CACNA1D: variants seen among roughly 807,000 people sequenced by gnomAD.
The protein encoded by CACNA1D is calcium voltage-gated channel subunit alpha1 D, also known as voltage-dependent L-type calcium channel subunit alpha-1D.
A neutral mutation model predicts 257.1 loss-of-function variants in CACNA1D; 55 were observed. The observed-to-expected ratio is 0.21, with a 90% CI of 0.17 to 0.27. CACNA1D has a LOEUF of 0.27. Among genes scored for constraint, CACNA1D ranks in the 10% least tolerant of loss-of-function variants. The pLI is 1.00. For missense variants in CACNA1D, 1,876 were observed against 2,784.0 expected, an observed-to-expected ratio of 0.67 and a Z score of 7.34; for synonymous variants, 980 against 1,014.9, an observed-to-expected ratio of 0.97 and a Z score of 0.65.
intron 3 of CACNA1D, among the ~76,000 whole-genome samples, chr3:53,523,571 T>C (rs2091657638): frequency 6.6e-6 from 1 of 152,246 alleles, no homozygotes; most frequent in Admixed American, 6.5e-5. Flanking sequence ...CCATGGTGTA[T>C]GTCTTCATTT....
intron 9 of CACNA1D, among the ~76,000 whole-genome samples, chr3:53,707,136 G>A (rs962778496): frequency 1.1e-4 from 16 of 151,952 alleles, no homozygotes; most frequent in Non-Finnish European, 1.8e-4. Context: ...ACTTGGAGAT[G>A]CGCTCACATT....
intron 42 of CACNA1D, among the ~76,000 whole-genome samples, chr3:53,801,706 G>C (rs555364537): frequency 1.3e-5 from 2 of 152,308 alleles, no homozygotes; most frequent in African/African-American, 4.8e-5. Flanking sequence ...CCTCTCAATT[G>C]TGCTCACATA....
intron 3 of CACNA1D, among the ~76,000 whole-genome samples, chr3:53,630,023 G>T (rs550185817): frequency 1.3e-4 from 20 of 152,286 alleles, no homozygotes; most frequent in Admixed American, 2.0e-4. Context: ...TGCTGCACCT[G>T]TCCTTATATT....
chr3:53,553,929 G>A (rs1417615215), intron 3 of CACNA1D, among the ~76,000 whole-genome samples: 3 of 151,592 alleles, frequency 2.0e-5, no homozygotes, highest in Non-Finnish European at 4.4e-5. Flanking sequence ...GGGCATGGTG[G>A]CTCACACCTG....
chr3:53,780,730 G>A (rs2109065705), intron 38 of CACNA1D, among the ~76,000 whole-genome samples: 1 of 152,302 alleles, frequency 6.6e-6, no homozygotes, highest in South Asian at 2.1e-4. Context: ...TGTGGCCATT[G>A]GAGCTGGCTC....
chr3:53,509,081 G>A (rs1559767391), intron 3 of CACNA1D, among the ~76,000 whole-genome samples: 1 of 152,208 alleles, frequency 6.6e-6, no homozygotes. Flanking sequence ...GAAATAAGGA[G>A]AGTGGTGGAG....
At chr3:53,694,145 T>C (rs1033027260) in intron 8 of CACNA1D, among the ~76,000 whole-genome samples, 2 of 152,288 alleles carry the variant, frequency 1.3e-5, no homozygotes, top group Admixed American at 1.3e-4. Flanking sequence ...GAGATCAGGA[T>C]GTCAGGGCCT....
At chr3:53,693,827 G>A (rs1192295925) in intron 8 of CACNA1D, among the ~76,000 whole-genome samples, 1 of 151,366 alleles carries the variant, frequency 6.6e-6, no homozygotes, top group East Asian at 1.9e-4. Flanking sequence ...AGGGTTTTTT[G>A]TTTTGTTTTG....
At chr3:53,498,381 C>G (rs2090439027) in intron 2 of CACNA1D, among the ~76,000 whole-genome samples, 1 of 152,202 alleles carries the variant, frequency 6.6e-6, no homozygotes, top group Non-Finnish European at 1.5e-5. Flanking sequence ...TAACCCCTTC[C>G]CTAAATCTGG....
chr3:53,534,225 G>A (rs1288445072), intron 3 of CACNA1D, among the ~76,000 whole-genome samples: 1 of 152,230 alleles, frequency 6.6e-6, no homozygotes, highest in African/African-American at 2.4e-5. Flanking sequence ...GTGGCGTGGT[G>A]GGTAGAGTGT....
Position 53,812,183 on chromosome 3 carries a change from A to C in CACNA1D, c.*777A>C, listed in dbSNP as rs2095603523. 2 of 152,218 alleles carry C rather than the reference A, an allele frequency of 1.3e-5. No individual in the cohort carries two copies. The highest frequency in any genetic ancestry group is 4.8e-5 in the African/African-American group (2 of 41,448). 9.4% of individuals were successfully genotyped at this position (152,218 alleles called of 1,614,324 possible). ...CTGTACATGACTTGTAATATACTATAATTTGTATTTGTAAAGAGATGGTCT... is the reference window on the plus strand; with the variant it reads ...CTGTACATGACTTGTAATATACTATCATTTGTATTTGTAAAGAGATGGTCT... On this transcript the variant is annotated 3_prime_UTR_variant, in exon 48 of 48. Transcript: ENST00000350061.
intron 9 of CACNA1D, among the ~76,000 whole-genome samples, chr3:53,709,264 C>G (rs539373071): frequency 1.3e-5 from 2 of 152,210 alleles, no homozygotes; most frequent in Non-Finnish European, 2.9e-5. Context: ...TACATTCATT[C>G]TTCTTCACAC....
At chr3:53,683,845 AAAG>A (rs1425122619) in intron 8 of CACNA1D, among the ~76,000 whole-genome samples, 1 of 152,210 alleles carries the variant, frequency 6.6e-6, no homozygotes. Context: ...ACAGGAGAAT[AAAG>A]AGATTGAGGA....
Position 53,813,601 on chromosome 3 carries a change from T to C in CACNA1D, c.*2195T>C, listed in dbSNP as rs974090244. On this transcript the variant is annotated 3_prime_UTR_variant, in exon 48 of 48. Coordinates refer to ENST00000350061, the MANE Select transcript of CACNA1D (RefSeq NM_001128840.3). ...CCAGACCAGGACCCTAAGTGTCTGA[T>C]AGAGGCGATGATCTTTTCCAAAGTC... The C allele has an allele frequency of 1.2e-4, 19 of 152,234 alleles. No homozygotes were observed. The highest frequency in any genetic ancestry group is 4.6e-4 in the African/African-American group (19 of 41,462). The allele number at this position is 152,234 out of a possible 1,614,324, so 9.4% of individuals were successfully genotyped here.
chr3:53,495,373 A>C lies in CACNA1D; in HGVS notation c.67+140A>C. ...CCAGCTCGGTGTCGTCTACACAGAG[A>C]GGGGACATGCGTGACAGCCACTCCG... On this transcript the variant is annotated intron_variant, in intron 1 of 47. Transcript: ENST00000350061. The surrounding 1 kb of genome is among the most constrained non-coding windows in gnomAD (Gnocchi z 5.1). 1.0e-6 allele frequency: 1 copy of C among 954,222 alleles called. No homozygotes were observed. The highest frequency in any genetic ancestry group is 1.3e-5 in the South Asian group (1 of 75,816). The allele number at this position is 954,222 out of a possible 1,614,324, so 59.1% of individuals were successfully genotyped here.
chr3:53,555,635 G>A (rs2092630786), intron 3 of CACNA1D, among the ~76,000 whole-genome samples: 1 of 151,632 alleles, frequency 6.6e-6, no homozygotes. Flanking sequence ...CTCAATCATG[G>A]TCCATTTCTC....
chr3:53,758,132 G>A (rs1361388498), intron 29 of CACNA1D, among the ~76,000 whole-genome samples: 3 of 152,286 alleles, frequency 2.0e-5, no homozygotes, highest in Non-Finnish European at 2.9e-5. Context: ...CTTTTCTGTC[G>A]CAGGGTATCT....
chr3:53,588,363 G>A (rs2093252518), intron 3 of CACNA1D, among the ~76,000 whole-genome samples: 1 of 152,218 alleles, frequency 6.6e-6, no homozygotes, highest in South Asian at 2.1e-4. Context: ...ACAGGACTCA[G>A]ACCCAGCCCT....
In CACNA1D at chr3:53,666,390, G is replaced by A. The variant is rs1186152619; in HGVS notation, c.971G>A (p.Arg324His). ...PAPCAFSGNGRQCTANGTECR... is the reference protein window; with the variant it reads ...PAPCAFSGNGHQCTANGTECR... ...CCATGTGCGTTCTCAGGGAATGGAC[G>A]CCAGTGTACTGCCAATGGCACGGAA... is the stretch of plus-strand genomic sequence containing the variant. Residue 324 changes from arginine (R) to histidine (H), a missense_variant, in exon 7 of 48, where the codon CGC becomes CAC. Arg to His is a conservative substitution (Grantham distance 29). Around this residue, in one of 10 missense-constraint regions of CACNA1D, gnomAD observed 188 missense variants for 390.4 expected, o/e 0.48. Transcript: ENST00000350061. 5.0e-6 allele frequency: 8 copies of A among 1,614,172 alleles called. 1 individual carries two copies. The highest frequency in any genetic ancestry group is 3.3e-5 in the Admixed American group (2 of 60,016).
Sources: gnomAD v4.1 joint callset for allele counts (sites outside exome capture counted in the v4.1 genomes callset) on GRCh38, gnomAD v4.1.1 for gene constraint, gnomAD v4.1.1 regional missense constraint, Gnocchi (gnomAD v3.1) non-coding constraint, MANE v1.5 for transcripts, NCBI Gene and HGNC (gene_info 2026-07-23, HGNC 2026-07-21) for gene names.